The following ZNF280B variants were observed in gnomAD, a reference collection of about 807,000 sequenced individuals.
ZNF280B encodes the protein suppressor of hairy wing homolog 2.
In ZNF280B, 16 loss-of-function variants were observed where a neutral mutation model predicts 38.0. The observed-to-expected ratio is 0.42, with a 90% CI of 0.28 to 0.64. The LOEUF (loss-of-function observed/expected upper bound fraction) is 0.64, where lower values mean the gene tolerates loss of function less well. Ranked by LOEUF, ZNF280B falls within the 30% of genes least tolerant of loss-of-function variation. ZNF280B has a pLI of 0.21. For synonymous variants in ZNF280B, 253 were observed against 230.6 expected (o/e 1.10, Z -0.88); for missense variants, 581 against 639.6 (o/e 0.91, Z 0.99).
chr22:22,506,284 T>C (rs2061937617), intron 2 of ZNF280B, among the ~76,000 whole-genome samples: 1 of 151,240 alleles, frequency 6.6e-6, no homozygotes. Flanking sequence ...TTAGAGGTCA[T>C]GGAGATGAGA....
In ZNF280B at chr22:22,484,861, T is replaced by C. The variant is rs527383574; in HGVS notation, c.*2906A>G. The C allele has an allele frequency of 6.6e-6, 1 of 152,222 alleles. No homozygotes were observed. Among genetic ancestry groups the C allele is most frequent in the East Asian group, 2.0e-4 (1 of 5,076 alleles). The allele number at this position is 152,222 out of a possible 1,614,324, so 9.4% of individuals were successfully genotyped here. On this transcript the variant is annotated 3_prime_UTR_variant, in exon 4 of 4. Transcript: ENST00000626650. ...CTTTAAGAGGAAAAGTAGAAGTTTT[T>C]TTTTTTTTTTAAAGGGAGATCTCAT...
intron 3 of ZNF280B, among the ~76,000 whole-genome samples, chr22:22,489,879 AG>A (rs2061559186): frequency 6.6e-6 from 1 of 151,968 alleles, no homozygotes; most frequent in East Asian, 2.0e-4. Context: ...GCTATCTTAA[AG>A]GCAAAAATTC....
intron 1 of ZNF280B, among the ~76,000 whole-genome samples, chr22:22,508,241 A>G (rs999579460): frequency 5.3e-5 from 8 of 151,920 alleles, no homozygotes; most frequent in Admixed American, 1.3e-4. Context: ...CTGGGCCTAC[A>G]GGTCTCCAGA....
intron 3 of ZNF280B, among the ~76,000 whole-genome samples, chr22:22,491,476 T>A (rs2061595545): frequency 2.0e-5 from 2 of 101,416 alleles, no homozygotes; most frequent in South Asian, 3.2e-4. Flanking sequence ...TTTTTTTTTT[T>A]GAGACGGAGT....
chr22:22,495,061 T>C (rs2061667939), intron 2 of ZNF280B, among the ~76,000 whole-genome samples: 1 of 151,900 alleles, frequency 6.6e-6, no homozygotes, highest in Non-Finnish European at 1.5e-5. Context: ...ACACGAGTTT[T>C]TAACCACACA....
In ZNF280B at chr22:22,487,740, C is replaced by T. The variant is rs757976549; in HGVS notation, c.*27G>A. The T allele has an allele frequency of 1.0e-5, 16 of 1,531,738 alleles. No individual in the cohort carries two copies. Among genetic ancestry groups the T allele is most frequent in the Admixed American group, 2.3e-5 (1 of 43,930 alleles). The allele number at this position is 1,531,738 out of a possible 1,614,324, so 94.9% of individuals were successfully genotyped here. On this transcript the variant is annotated 3_prime_UTR_variant, in exon 4 of 4. Coordinates refer to ENST00000626650, the MANE Select transcript of ZNF280B (RefSeq NM_080764.4). ...AGGTTTTTTAATTTGGTTTGAAATA[C>T]TTGCTTTAGATTTACTGAAACTAGA... is the stretch of plus-strand genomic sequence containing the variant.
chr22:22,507,235 C>A (rs936035729), intron 2 of ZNF280B, among the ~76,000 whole-genome samples: 3 of 151,940 alleles, frequency 2.0e-5, no homozygotes, highest in Non-Finnish European at 1.5e-5. Context: ...CATGAGTGAC[C>A]TTGAGCCAGA....
intron 2 of ZNF280B, among the ~76,000 whole-genome samples, chr22:22,498,782 A>T (rs2061751772): frequency 7.2e-6 from 1 of 138,614 alleles, no homozygotes; most frequent in Non-Finnish European, 1.5e-5. Flanking sequence ...AGAAAACTAC[A>T]GGCCAATATC....
intron 2 of ZNF280B, among the ~76,000 whole-genome samples, chr22:22,501,019 C>CAAA (rs56907724): frequency 5.8e-4 from 35 of 60,214 alleles, no homozygotes; most frequent in Non-Finnish European, 9.4e-4. Context: ...GACTCCGTCT[C>CAAA]AAAAAAAAAA....
chr22:22,503,745 T>C (rs1250925640), intron 2 of ZNF280B, among the ~76,000 whole-genome samples: 3 of 152,018 alleles, frequency 2.0e-5, no homozygotes, highest in African/African-American at 4.8e-5. Context: ...TGTGGAATTA[T>C]GGATAGTGCC....
Position 22,488,638 on chromosome 22 carries a change from T to C in ZNF280B, c.761A>G (p.Asp254Gly), listed in dbSNP as rs575657535. 1.3e-5 allele frequency: 21 copies of C among 1,613,864 alleles called. No homozygotes were observed. In the South Asian group the frequency reaches 1.4e-4, roughly 11 times the overall value. Residue 254 changes from aspartate (D) to glycine (G), a missense_variant, in exon 4 of 4, where the codon GAT becomes GGT. Asp to Gly is a moderately conservative substitution (Grantham distance 94). Coordinates refer to ENST00000626650, the MANE Select transcript of ZNF280B (RefSeq NM_080764.4). Reference protein sequence around the residue: ...IHFKPINTNLDRANELAKTDI... With the variant: ...IHFKPINTNLGRANELAKTDI... ...TGTTTTTGCCAATTCATTTGCCCTA[T>C]CAAGATTTGTATTTATAGGCTTGAA...
intron 2 of ZNF280B, among the ~76,000 whole-genome samples, chr22:22,501,019 C>CAAAAAAAAAAAA (rs56907724): frequency 5.0e-5 from 3 of 60,262 alleles, no homozygotes; most frequent in East Asian, 5.0e-4. Flanking sequence ...GACTCCGTCT[C>CAAAAAAAAAAAA]AAAAAAAAAA....
intron 3 of ZNF280B, among the ~76,000 whole-genome samples, chr22:22,493,712 A>G (rs1033513796): frequency 6.6e-6 from 1 of 151,892 alleles, no homozygotes; most frequent in Non-Finnish European, 1.5e-5. Flanking sequence ...ATTTTTGTAC[A>G]CTTGTACTAG....
Position 22,488,676 on chromosome 22 carries a change from C to T in ZNF280B, c.723G>A (p.Lys241=). ...NGAPFPAAFP[K]DNIHFKPINT... ...TTATAGGCTTGAAATGGATATTGTC[C>T]TTTGGAAAAGCTGCTGGAAAAGGTG... The change falls in exon 4 of 4, where the codon AAG becomes AAA. Residue 241 remains lysine, a synonymous_variant. Coordinates refer to ENST00000626650, the MANE Select transcript of ZNF280B (RefSeq NM_080764.4). The T allele has an allele frequency of 1.2e-6, 2 of 1,613,814 alleles. No individual in the cohort carries two copies. The highest frequency in any genetic ancestry group is 1.7e-6 in the Non-Finnish European group (2 of 1,179,958).
chr22:22,493,370 T>C (rs2061635386), intron 3 of ZNF280B, among the ~76,000 whole-genome samples: 1 of 151,952 alleles, frequency 6.6e-6, no homozygotes, highest in Non-Finnish European at 1.5e-5. Flanking sequence ...TATGGAGGGT[T>C]TGTAGACAGA....
intron 2 of ZNF280B, among the ~76,000 whole-genome samples, chr22:22,504,426 G>GA (rs1314633209): frequency 0.017 from 2,034 of 120,952 alleles, 60 homozygotes; most frequent in African/African-American, 0.05. Context: ...GACTCCGTCT[G>GA]AAAAAAAAAA....
intron 2 of ZNF280B, among the ~76,000 whole-genome samples, chr22:22,501,014 C>T (rs1311322636): frequency 2.2e-5 from 2 of 90,958 alleles, no homozygotes; most frequent in Non-Finnish European, 4.2e-5. Flanking sequence ...ACCAAGACTC[C>T]GTCTCAAAAA....
rs778519808 is a variant in ZNF280B, at chr22:22,488,771, T to C, written c.628A>G (p.Thr210Ala). The C allele has an allele frequency of 1.2e-6, 2 of 1,613,772 alleles. No individual in the cohort carries two copies. ...SASFPSDTFH[T>A]MNTQQSTPSN... is the part of the protein sequence containing the mutation. ...GGTGTACTTTGCTGAGTATTCATTG[T>C]ATGAAAGGTATCTGAAGGGAATGAA... Residue 210 changes from threonine to alanine, a missense_variant, in exon 4 of 4, where the codon ACA becomes GCA. Physicochemically the swap from Thr to Ala is moderately conservative, Grantham distance 58. Transcript: ENST00000626650.
rs995049177 is a variant in ZNF280B, at chr22:22,485,584, A to C, written c.*2183T>G. 6.6e-6 allele frequency: 1 copy of C among 151,950 alleles called. No homozygotes were observed. Among genetic ancestry groups the C allele is most frequent in the Non-Finnish European group, 1.5e-5 (1 of 68,014 alleles). The allele number at this position is 151,950 out of a possible 1,614,324, so 9.4% of individuals were successfully genotyped here. A position where few individuals can be genotyped will look rare whatever the true frequency, so the allele number is the denominator to read the frequency against. On this transcript the variant is annotated 3_prime_UTR_variant, in exon 4 of 4. Coordinates refer to ENST00000626650, the MANE Select transcript of ZNF280B (RefSeq NM_080764.4). Reference sequence around the variant, plus strand: ...CAGAAAATTTTCTAAAATGTAGATAATATACTCACAACTTCTTTGTTATCT... The same window carrying C: ...CAGAAAATTTTCTAAAATGTAGATACTATACTCACAACTTCTTTGTTATCT...
Sources: allele counts gnomAD v4.1 joint callset (sites outside exome capture counted in the v4.1 genomes callset), GRCh38; gene constraint gnomAD v4.1.1; transcripts MANE v1.5; gene names NCBI Gene and HGNC (gene_info 2026-07-23, HGNC 2026-07-21).